Variants in NPEPL1 observed in about 807,000 individuals in gnomAD.
The protein encoded by NPEPL1 is probable aminopeptidase NPEPL1.
Under a neutral mutation model 52.4 loss-of-function variants are expected in NPEPL1, and 45 were observed. The observed-to-expected ratio is 0.86, with a 90% CI of 0.68 to 1.10. NPEPL1 has a LOEUF of 1.10. NPEPL1 is among the 50% of genes least tolerant of loss of function. The pLI is 0.00. For missense variants in NPEPL1, 696 were observed against 710.9 expected, an observed-to-expected ratio of 0.98 and a Z score of 0.24; for synonymous variants, 360 against 314.7, an observed-to-expected ratio of 1.14 and a Z score of -1.52.
rs367865206 is a variant in NPEPL1 at position 58,700,797 on chromosome 20, C to T, written c.680-219C>T. Among the ~76,000 whole-genome samples, 113 of 152,288 alleles carry T rather than the reference C, an allele frequency of 7.4e-4. 4 individuals carry two copies. In the South Asian group the frequency reaches 0.02, roughly 27 times the overall value. On this transcript the variant is annotated intron_variant, in intron 5 of 11. Coordinates refer to ENST00000356091, the MANE Select transcript of NPEPL1 (RefSeq NM_024663.4). ...GTGGGTTTTCTTGCTTAACAAACAA[C>T]ACTTTGCATAGAATTTGTTTGCAAT...
chr20:58,700,967 C>A, intron 5 of NPEPL1, 49 bp from the exon 6 acceptor site: 2 of 1,417,604 alleles, frequency 1.4e-6, no homozygotes, highest in Admixed American at 2.8e-5. Flanking sequence ...GGGAGTTCCC[C>A]GCTCAGCTCA....
chr20:58,707,278 C>G (rs769296559), intron 7 of NPEPL1, 78 bp downstream of exon 7: 72 of 1,270,782 alleles, frequency 5.7e-5, no homozygotes, highest in Non-Finnish European at 7.3e-5. Flanking sequence ...CTGTCCGTCC[C>G]GCCACAGGCC....
In NPEPL1 at chr20:58,712,794, C is replaced by T. The variant is rs974239067; in HGVS notation, c.1001+215C>T. ...TGGCACCTGGATGAGGTGCTAGGCT[C>T]CCGTGCAGTGCCTGGCCCAGGAGCT... On this transcript the variant is annotated intron_variant, in intron 8 of 11. Coordinates refer to ENST00000356091, the MANE Select transcript of NPEPL1 (RefSeq NM_024663.4). 1.1e-5 allele frequency: 7 copies of T among 665,046 alleles called. No individual in the cohort carries two copies. In the African/African-American group the frequency reaches 1.2e-4, roughly 12 times the overall value. 41.2% of individuals were successfully genotyped at this position (665,046 alleles called of 1,614,324 possible). A position where few individuals can be genotyped will look rare whatever the true frequency, so the allele number is the denominator to read the frequency against.
At chr20:58,700,938 A>C in intron 5 of NPEPL1, 78 bp from the exon 6 acceptor site, 24 of 1,322,860 alleles carry the variant, frequency 1.8e-5, no homozygotes, top group African/African-American at 4.6e-5. Context: ...CCAGCCGGCC[A>C]GAGTTTCCAG....
In NPEPL1 at chr20:58,708,471, T is replaced by C. The variant is rs2123135088; in HGVS notation, c.900+1271T>C. 3.3e-5 allele frequency among the ~76,000 whole-genome samples: 5 copies of C among 152,284 alleles called. No homozygotes were observed. In the South Asian group the frequency reaches 1.0e-3, roughly 32 times the overall value. ...CGGCCTCTTAGGGCTCACGGCTGTT[T>C]CTCTCGTGCTGAGCACACAGCTGGG... On this transcript the variant is annotated intron_variant, in intron 7 of 11. Coordinates refer to ENST00000356091, the MANE Select transcript of NPEPL1 (RefSeq NM_024663.4).
At position 58,715,406 on chromosome 20, in the gene NPEPL1, C is replaced by A; in HGVS notation, c.*80C>A. On this transcript the variant is annotated 3_prime_UTR_variant, in exon 12 of 12. Coordinates refer to ENST00000356091, the MANE Select transcript of NPEPL1 (RefSeq NM_024663.4). Reference sequence around the variant, plus strand: ...TAATTTTAAGCAATTGAAAGATTGCCCTTCATATGGGTTTTGGTTTGTCTT... The same window carrying A: ...TAATTTTAAGCAATTGAAAGATTGCACTTCATATGGGTTTTGGTTTGTCTT... The A allele has an allele frequency of 2.2e-6, 3 of 1,371,328 alleles. No homozygotes were observed. The highest frequency in any genetic ancestry group is 1.9e-6 in the Non-Finnish European group (2 of 1,034,836). The allele number at this position is 1,371,328 out of a possible 1,614,324, so 84.9% of individuals were successfully genotyped here. A position where few individuals can be genotyped will look rare whatever the true frequency, so the allele number is the denominator to read the frequency against.
intron 3 of NPEPL1, among the ~76,000 whole-genome samples, chr20:58,695,285 G>T (rs1392145557): frequency 6.7e-6 from 1 of 150,302 alleles, no homozygotes; most frequent in African/African-American, 2.4e-5. Flanking sequence ...TGTGTGTGTT[G>T]CTGTGTGTGT....
chr20:58,693,519 T>G (rs1464984386), intron 1 of NPEPL1: 2 of 479,090 alleles, frequency 4.2e-6, no homozygotes, highest in Non-Finnish European at 7.4e-6. Flanking sequence ...CCAGGCTTGG[T>G]GGCTTCATCC....
intron 6 of NPEPL1, among the ~76,000 whole-genome samples, chr20:58,706,645 C>T (rs551904198): frequency 6.6e-5 from 10 of 152,130 alleles, no homozygotes; most frequent in Non-Finnish European, 1.3e-4. Context: ...GCCCCAGAGG[C>T]TCCCTGGACC....
In NPEPL1 at chr20:58,704,343, C is replaced by T. The variant is rs1048792083; in HGVS notation, c.823-2780C>T. ...ATTTCAAGGGCAGCTCAAGACCAGCCTGGACTAGCAGGCCTCAAATGCATT... is the reference window on the plus strand; with the variant it reads ...ATTTCAAGGGCAGCTCAAGACCAGCTTGGACTAGCAGGCCTCAAATGCATT... On this transcript the variant is annotated intron_variant, in intron 6 of 11. Transcript: ENST00000356091. 5.1e-6 allele frequency: 5 copies of T among 985,336 alleles called. No homozygotes were observed. The African/African-American group carries it at 8.7e-5, about 17-fold the overall frequency. The allele number at this position is 985,336 out of a possible 1,614,324, so 61.0% of individuals were successfully genotyped here. A position where few individuals can be genotyped will look rare whatever the true frequency, so the allele number is the denominator to read the frequency against.
chr20:58,695,829 C>G (rs534217078), intron 3 of NPEPL1, among the ~76,000 whole-genome samples: 13 of 152,180 alleles, frequency 8.5e-5, no homozygotes, highest in Non-Finnish European at 1.5e-4. Flanking sequence ...CCCATGGAGA[C>G]AGAGTTTTTG....
chr20:58,714,412 C>G, intron 10 of NPEPL1, 148 bp from the exon 11 acceptor site: 1 of 637,740 alleles, frequency 1.6e-6, no homozygotes. Context: ...TCAAGGCCCT[C>G]CCAGCCCAGC....
rs139884568 is a variant in NPEPL1 at position 58,698,754 on chromosome 20, A to G, written c.578A>G (p.Asn193Ser). The G allele has an allele frequency of 6.8e-6, 11 of 1,612,540 alleles. No homozygotes were observed. Among genetic ancestry groups the G allele is most frequent in the Non-Finnish European group, 9.3e-6 (11 of 1,179,742 alleles). Residue 193 changes from asparagine (N) to serine (S), a missense_variant, in exon 4 of 12, where the codon AAC becomes AGC. By Grantham distance (46) the Asn-to-Ser change is conservative. Transcript: ENST00000356091. Reference sequence around the variant, plus strand: ...GTGGACACACCCTGCAATGAGATGAACACCGACACCTTCCTCGAGGTTTGT... The same window carrying G: ...GTGGACACACCCTGCAATGAGATGAGCACCGACACCTTCCTCGAGGTTTGT... ...RIVDTPCNEM[N>S]TDTFLEEINK...
Position 58,694,116 on chromosome 20 carries a change from A to G in NPEPL1, c.336+194A>G, listed in dbSNP as rs186782138. 2.6e-5 allele frequency among the ~76,000 whole-genome samples: 4 copies of G among 152,298 alleles called. No individual in the cohort carries two copies. In the East Asian group the frequency reaches 7.7e-4, roughly 29 times the overall value. On this transcript the variant is annotated intron_variant, in intron 2 of 11. Coordinates refer to ENST00000356091, the MANE Select transcript of NPEPL1 (RefSeq NM_024663.4). Reference sequence around the variant, plus strand: ...TTGCCCCAGATCAGTTTTGGTGGCAAATCAGAGACTCAAACCTAGATTTCC... The same window carrying G: ...TTGCCCCAGATCAGTTTTGGTGGCAGATCAGAGACTCAAACCTAGATTTCC...
At chr20:58,711,315 T>G (rs2084837118) in intron 7 of NPEPL1, 1 of 151,926 alleles carries the variant, frequency 6.6e-6, no homozygotes, top group Admixed American at 6.6e-5. Context: ...CACTTCTCCC[T>G]GGAATGACCA....
chr20:58,708,329 G>A (rs532352382), intron 7 of NPEPL1, among the ~76,000 whole-genome samples: 10 of 152,246 alleles, frequency 6.6e-5, no homozygotes, highest in Non-Finnish European at 1.5e-4. Flanking sequence ...ATTCCAGACT[G>A]TGTGACGGGC....
intron 7 of NPEPL1, among the ~76,000 whole-genome samples, chr20:58,707,664 G>T (rs2084763380): frequency 6.6e-6 from 1 of 151,200 alleles, no homozygotes; most frequent in East Asian, 2.0e-4. Context: ...TGCGTGGGCA[G>T]GTGCCCCAAT....
In NPEPL1 at chr20:58,698,746, TGA is replaced by T. The variant is rs745496920; in HGVS notation, c.573_574del (p.Glu191AspfsTer11). On this transcript the variant is annotated frameshift_variant, in exon 4 of 12. Transcript: ENST00000356091. LOFTEE classifies it high-confidence loss of function. ...CCCGCATCGTGGACACACCCTGCAA[TGA>T]GATGAACACCGACACCTTCCTCGAG... ...AARIVDTPCN[E>X]MNTDTFLEEI... 1 of 1,612,798 alleles carries T rather than the reference TGA, an allele frequency of 6.2e-7. No individual in the cohort carries two copies. Among genetic ancestry groups the T allele is most frequent in the Non-Finnish European group, 8.5e-7 (1 of 1,179,798 alleles).
chr20:58,691,177 C>T, upstream of NPEPL1: 1 of 702,716 alleles, frequency 1.4e-6, no homozygotes, highest in East Asian at 2.7e-5. Flanking sequence ...GTGTGCCTGT[C>T]TGCAACGTAT....
Sources: allele counts gnomAD v4.1 joint callset (sites outside exome capture counted in the v4.1 genomes callset), GRCh38; gene constraint gnomAD v4.1.1; transcripts MANE v1.5; gene names NCBI Gene and HGNC (gene_info 2026-07-23, HGNC 2026-07-21).